LUZP2: variants seen among roughly 807,000 people sequenced by gnomAD.
The protein encoded by LUZP2 is leucine zipper protein 2.
A neutral mutation model predicts 51.6 loss-of-function variants in LUZP2; 52 were observed. The ratio of observed to expected loss-of-function variants is 1.01; its 90% confidence interval spans 0.81 to 1.27. The LOEUF (loss-of-function observed/expected upper bound fraction) is 1.27, where lower values mean the gene tolerates loss of function less well. LUZP2 is among the 50% of genes most tolerant of loss of function. The pLI, the probability that LUZP2 is intolerant of heterozygous loss-of-function variation, is 0.00. For missense variants in LUZP2, 436 were observed against 395.4 expected, an observed-to-expected ratio of 1.10 and a Z score of -0.87; for synonymous variants, 154 against 137.3, an observed-to-expected ratio of 1.12 and a Z score of -0.85.
chr11:24,711,178 G>A (rs548454633), intron 1 of LUZP2, among the ~76,000 whole-genome samples: 2 of 152,272 alleles, frequency 1.3e-5, no homozygotes, highest in South Asian at 2.1e-4. Flanking sequence ...GGCCTGGCGC[G>A]GTGGCTGATG....
intron 3 of LUZP2, among the ~76,000 whole-genome samples, chr11:24,734,616 A>T (rs920934164): frequency 1.3e-5 from 2 of 151,948 alleles, no homozygotes; most frequent in Admixed American, 6.6e-5. Flanking sequence ...GTAACTTCTC[A>T]AAAGGATATA....
chr11:24,980,326 A>G (rs1326974825), intron 8 of LUZP2, among the ~76,000 whole-genome samples: 2 of 151,684 alleles, frequency 1.3e-5, no homozygotes, highest in African/African-American at 4.8e-5. Flanking sequence ...AAAAAAATCT[A>G]CCTCCTAAAT....
chr11:24,742,171 A>G (rs571257530), intron 4 of LUZP2, among the ~76,000 whole-genome samples: 4 of 150,170 alleles, frequency 2.7e-5, no homozygotes, highest in African/African-American at 7.4e-5. Flanking sequence ...TAAGTGTACA[A>G]GTATCTTTTT....
Position 24,647,344 on chromosome 11 carries a change from G to T in LUZP2, c.63-81825G>T, listed in dbSNP as rs536163852. Among the ~76,000 whole-genome samples the T allele has an allele frequency of 8.6e-5, 13 of 151,666 alleles. No homozygotes were observed. In the South Asian group the frequency reaches 2.7e-3, roughly 32 times the overall value. ...ATTTATACAGAAAGAAAATTATCAA[G>T]ACTGTGAATGCAGCCAGTATTTAAA... On this transcript the variant is annotated intron_variant, in intron 1 of 11. Coordinates refer to ENST00000336930, the MANE Select transcript of LUZP2 (RefSeq NM_001009909.4).
chr11:24,822,183 A>C (rs770945485), intron 5 of LUZP2, among the ~76,000 whole-genome samples: 2 of 152,126 alleles, frequency 1.3e-5, no homozygotes, highest in South Asian at 4.1e-4. Flanking sequence ...TATTTCCCCT[A>C]CTATAGAAGT....
Position 24,767,736 on chromosome 11 carries a change from TG to T in LUZP2, c.396+4429del, listed in dbSNP as rs1860245769. ...ATTTTAATTTACTTTAACACATCCT[TG>T]TGCCTTCAATGTTTATTTTGCATTT... On this transcript the variant is annotated intron_variant, in intron 5 of 11. Transcript: ENST00000336930. Among the ~76,000 whole-genome samples the T allele has an allele frequency of 2.0e-5, 3 of 152,334 alleles. No individual in the cohort carries two copies. In the South Asian group the frequency reaches 6.2e-4, roughly 32 times the overall value.
intron 6 of LUZP2, among the ~76,000 whole-genome samples, chr11:24,910,518 C>A (rs1853593109): frequency 6.6e-6 from 1 of 152,166 alleles, no homozygotes; most frequent in African/African-American, 2.4e-5. Flanking sequence ...CCAGCTGTGG[C>A]TGAAAGGGGC....
At chr11:24,965,624 A>C (rs968190547) in intron 7 of LUZP2, among the ~76,000 whole-genome samples, 1 of 151,908 alleles carries the variant, frequency 6.6e-6, no homozygotes, top group African/African-American at 2.4e-5. Context: ...TCTAGTCATT[A>C]AAATGATTAA....
chr11:24,742,057 T>TTTTATATATATATATATATATATA lies in LUZP2; in HGVS notation c.333+3756_333+3757insTTATATATATATATATATATATAT, dbSNP rs571183533. Among the ~76,000 whole-genome samples, 45 of 116,294 alleles carry TTTTATATATATATATATATATATA rather than the reference T, an allele frequency of 3.9e-4. 4 individuals are homozygous for TTTTATATATATATATATATATATA. Among genetic ancestry groups the TTTTATATATATATATATATATATA allele is most frequent in the African/African-American group, 1.6e-3 (39 of 23,836 alleles). 76.3% of individuals were successfully genotyped at this position (116,294 alleles called of 152,430 possible). A position where few individuals can be genotyped will look rare whatever the true frequency, so the allele number is the denominator to read the frequency against. Reference sequence around the variant, plus strand: ...TATAAATACATAAAAATAAATATAATTATATATATATATATATATCACCAT... The same window carrying TTTTATATATATATATATATATATA: ...TATAAATACATAAAAATAAATATAATTTTATATATATATATATATATATATATATATATATATATATATCACCAT... On this transcript the variant is annotated intron_variant, in intron 4 of 11. Transcript: ENST00000336930.
At chr11:24,828,684 T>C (rs1464391443) in intron 5 of LUZP2, among the ~76,000 whole-genome samples, 1 of 152,120 alleles carries the variant, frequency 6.6e-6, no homozygotes, top group East Asian at 1.9e-4. Context: ...GAAACTGTGA[T>C]GTCTCAGTGC....
chr11:24,820,889 CT>C (rs1202854437), intron 5 of LUZP2, among the ~76,000 whole-genome samples: 4 of 152,080 alleles, frequency 2.6e-5, no homozygotes, highest in African/African-American at 9.7e-5. Flanking sequence ...GATAGAGAGA[CT>C]TTTTTGATGT....
intron 5 of LUZP2, among the ~76,000 whole-genome samples, chr11:24,881,416 C>T (rs965992651): frequency 1.3e-5 from 2 of 151,746 alleles, no homozygotes; most frequent in African/African-American, 2.4e-5. Flanking sequence ...TCTGCATCTG[C>T]AAGGATGGAT....
At chr11:24,623,481 A>G (rs1854573266) in intron 1 of LUZP2, among the ~76,000 whole-genome samples, 1 of 152,156 alleles carries the variant, frequency 6.6e-6, no homozygotes, top group African/African-American at 2.4e-5. Flanking sequence ...ACAAGGATCT[A>G]CTTTGTGTAG....
chr11:24,624,638 G>A (rs1389872551), intron 1 of LUZP2, among the ~76,000 whole-genome samples: 1 of 152,090 alleles, frequency 6.6e-6, no homozygotes, highest in African/African-American at 2.4e-5. Flanking sequence ...TCTAAGTTAT[G>A]GAGGTGTAAA....
intron 1 of LUZP2, among the ~76,000 whole-genome samples, chr11:24,669,482 C>T (rs1358267813): frequency 6.6e-6 from 1 of 151,964 alleles, no homozygotes; most frequent in African/African-American, 2.4e-5. Flanking sequence ...TTGGGGATTA[C>T]AATTAATGCT....
intron 9 of LUZP2, among the ~76,000 whole-genome samples, chr11:24,991,663 T>G (rs1430953088): frequency 3.3e-5 from 5 of 152,006 alleles, no homozygotes; most frequent in African/African-American, 9.7e-5. Context: ...CCATAGTGGT[T>G]GTACTAGTTT....
rs146949496 is a variant in LUZP2 at position 24,855,244 on chromosome 11, G to T, written c.397-50747G>T. On this transcript the variant is annotated intron_variant, in intron 5 of 11. Transcript: ENST00000336930. ...GAAAACTCTAGAGACTCTTCCAAAA[G>T]ACTCCTAGATGTGATCAATGAATTC... is the stretch of plus-strand genomic sequence containing the variant. Among the ~76,000 whole-genome samples, 31 of 152,182 alleles carry T rather than the reference G, an allele frequency of 2.0e-4. No homozygotes were observed. The East Asian group carries it at 6.0e-3, about 29-fold the overall frequency.
intron 5 of LUZP2, among the ~76,000 whole-genome samples, chr11:24,826,186 A>ATAT (rs1330208354): frequency 5.3e-4 from 13 of 24,410 alleles, no homozygotes; most frequent in African/African-American, 1.8e-3. Context: ...AAAAAAAAAA[A>ATAT]AAAAATATAT....
chr11:24,818,353 G>T (rs1850248732), intron 5 of LUZP2, among the ~76,000 whole-genome samples: 1 of 152,010 alleles, frequency 6.6e-6, no homozygotes, highest in East Asian at 1.9e-4. Context: ...GAAAACTGCT[G>T]GGCATATTTT....
Sources: allele counts gnomAD v4.1 joint callset (sites outside exome capture counted in the v4.1 genomes callset), GRCh38; gene constraint gnomAD v4.1.1; transcripts MANE v1.5; gene names NCBI Gene and HGNC (gene_info 2026-07-23, HGNC 2026-07-21).